The following TTC28 variants were observed in gnomAD, a reference collection of about 807,000 sequenced individuals.
The protein encoded by TTC28 is tetratricopeptide repeat domain 28, also known as tetratricopeptide repeat protein 28.
A neutral mutation model predicts 198.0 loss-of-function variants in TTC28; 61 were observed. That is an observed-to-expected ratio of 0.31 (90% CI 0.25 to 0.38). TTC28 has a LOEUF of 0.38. Ranked by LOEUF, TTC28 falls within the 10% of genes least tolerant of loss-of-function variation. TTC28 has a pLI of 1.00. For missense variants in TTC28, 2,678 were observed against 3,164.0 expected (o/e 0.85, Z 3.69); for synonymous variants, 1,171 against 1,297.8 (o/e 0.90, Z 2.10).
intron 2 of TTC28, among the ~76,000 whole-genome samples, chr22:28,599,707 AG>A (rs2050606589): frequency 6.6e-6 from 1 of 152,190 alleles, no homozygotes; most frequent in Non-Finnish European, 1.5e-5. Flanking sequence ...GTCAATTAGA[AG>A]AAGGCTCTAG....
intron 2 of TTC28, among the ~76,000 whole-genome samples, chr22:28,385,767 T>A (rs2046572391): frequency 6.6e-6 from 1 of 152,126 alleles, no homozygotes; most frequent in South Asian, 2.1e-4. Context: ...TTTAGCTCCA[T>A]CCTAGCTTTC....
intron 2 of TTC28, among the ~76,000 whole-genome samples, chr22:28,564,185 A>C (rs1014008458): frequency 6.6e-6 from 1 of 152,218 alleles, no homozygotes; most frequent in African/African-American, 2.4e-5. Context: ...TGGGGCGATG[A>C]AAATGTTTTG....
rs1569064061 is a variant in TTC28 at position 27,982,454 on chromosome 22, C to T, written c.7213G>A (p.Glu2405Lys). ...LNLSPRHNKK[E>K]EGVDKLELKE... The stretch of plus-strand genomic sequence containing the variant: ...AGTTCAAGCTTATCCACTCCCTCCT[C>T]CTTCTTATTGTGCCGTGGTGACAAA... Residue 2405 changes from glutamate (E) to lysine (K), a missense_variant, in exon 23 of 23, where the codon GAG becomes AAG. Physicochemically the swap from Glu to Lys is moderately conservative, Grantham distance 56. Around this residue, in one of 8 missense-constraint regions of TTC28, gnomAD observed 622 missense variants for 656.0 expected, o/e 0.95. Coordinates refer to ENST00000397906, the MANE Select transcript of TTC28 (RefSeq NM_001145418.2). This position sits in a 1 kb window ranked among gnomAD's most constrained non-coding sequence, Gnocchi z 5.2. 2.6e-6 allele frequency: 4 copies of T among 1,551,560 alleles called. No individual in the cohort carries two copies. In the South Asian group the frequency reaches 4.8e-5, roughly 18 times the overall value.
At chr22:28,631,534 G>GT (rs1285501359) in intron 1 of TTC28, among the ~76,000 whole-genome samples, 1 of 151,954 alleles carries the variant, frequency 6.6e-6, no homozygotes, top group Non-Finnish European at 1.5e-5. Flanking sequence ...GTTTTTGTGG[G>GT]TTTTTTTGAG....
At chr22:28,191,494 C>T (rs1023186230) in intron 5 of TTC28, among the ~76,000 whole-genome samples, 13 of 152,342 alleles carry the variant, frequency 8.5e-5, no homozygotes, top group Admixed American at 7.2e-4. Flanking sequence ...GGCGAGGCAT[C>T]GCCTCACCCG....
chr22:28,114,668 C>T (rs1260213432), intron 6 of TTC28, among the ~76,000 whole-genome samples: 2 of 151,250 alleles, frequency 1.3e-5, no homozygotes, highest in Non-Finnish European at 2.9e-5. Flanking sequence ...CAGCCTCAAT[C>T]GCCCAGGCTC....
chr22:28,547,986 C>T (rs1776420137), intron 2 of TTC28, among the ~76,000 whole-genome samples: 1 of 151,502 alleles, frequency 6.6e-6, no homozygotes, highest in African/African-American at 2.4e-5. Context: ...TATTTCTAAC[C>T]ACCCAATACT....
chr22:28,387,338 T>C (rs1044753816), intron 2 of TTC28, among the ~76,000 whole-genome samples: 52 of 152,228 alleles, frequency 3.4e-4, no homozygotes, highest in Non-Finnish European at 6.0e-4. Context: ...GCATGATTTA[T>C]AGTCCTTTGG....
intron 2 of TTC28, among the ~76,000 whole-genome samples, chr22:28,404,075 A>C (rs547419008): frequency 6.6e-6 from 1 of 152,310 alleles, no homozygotes; most frequent in Admixed American, 6.5e-5. Context: ...AAGACATCCT[A>C]AATATTAATT....
At chr22:28,134,572 T>C (rs1472782215) in intron 6 of TTC28, among the ~76,000 whole-genome samples, 1 of 152,186 alleles carries the variant, frequency 6.6e-6, no homozygotes, top group Non-Finnish European at 1.5e-5. Flanking sequence ...AGTAGCCGAT[T>C]CGATCAAGTG....
chr22:28,612,119 G>T (rs1002137004), intron 2 of TTC28, among the ~76,000 whole-genome samples: 1 of 152,024 alleles, frequency 6.6e-6, no homozygotes, highest in Non-Finnish European at 1.5e-5. Flanking sequence ...TCAAAATAAA[G>T]GAATGGAGGA....
At chr22:27,994,565 G>A (rs1937517376) in intron 17 of TTC28, 1 of 151,916 alleles carries the variant, frequency 6.6e-6, no homozygotes, top group South Asian at 2.1e-4. Flanking sequence ...TGGGAGGACA[G>A]ACGATCAGCC....
At position 27,982,765 on chromosome 22, in the gene TTC28, T is replaced by G; in HGVS notation, c.6902A>C (p.Lys2301Thr). 2.6e-6 allele frequency: 4 copies of G among 1,549,940 alleles called. No individual in the cohort carries two copies. Among genetic ancestry groups the G allele is most frequent in the Non-Finnish European group, 3.5e-6 (4 of 1,145,910 alleles). The change falls in exon 23 of 23, where the codon AAA becomes ACA. Residue 2301 changes from lysine to threonine, a missense_variant. Physicochemically the swap from Lys to Thr is moderately conservative, Grantham distance 78 (BLOSUM62 -1). Coordinates refer to ENST00000397906, the MANE Select transcript of TTC28 (RefSeq NM_001145418.2). This position sits in a 1 kb window ranked among gnomAD's most constrained non-coding sequence, Gnocchi z 5.2. ...GCTTGGGGACATGTTCCTTGGTGAT[T>G]TGGAAATGTGAGCGCTGTAAGGAGA... is the stretch of plus-strand genomic sequence containing the variant. The part of the protein sequence containing the change: ...PSSPYSAHIS[K>T]SPRNMSPSSG...
rs754700795 is a variant in TTC28, at chr22:28,243,174, C to CAA, written c.933+53022_933+53023dup. Among the ~76,000 whole-genome samples, 35 of 68,334 alleles carry CAA rather than the reference C, an allele frequency of 5.1e-4. 1 individual carries two copies. Among genetic ancestry groups the CAA allele is most frequent in the Middle Eastern group, 8.2e-3 (1 of 122 alleles). The allele number at this position is 68,334 out of a possible 152,430, so 44.8% of individuals were successfully genotyped here. Reference sequence around the variant, plus strand: ...GCAACCTGGCAAAACCCCCTCTCTACAAAAAAAAAAAAAAAAAAAAAAAAA... The same window carrying CAA: ...GCAACCTGGCAAAACCCCCTCTCTACAAAAAAAAAAAAAAAAAAAAAAAAAAA... On this transcript the variant is annotated intron_variant, in intron 5 of 22. Coordinates refer to ENST00000397906, the MANE Select transcript of TTC28 (RefSeq NM_001145418.2).
chr22:28,297,971 G>A (rs2044934020), intron 3 of TTC28, 119 bp from the exon 4 acceptor site: 2 of 1,173,934 alleles, frequency 1.7e-6, no homozygotes, highest in Non-Finnish European at 2.4e-6. Context: ...CTTATTTCAA[G>A]TATAAACTCT....
rs1308634690 is a variant in TTC28, at chr22:27,979,132, A to G, written c.*3089T>C. ...GACTTGCTTTTCCTAGACTGGAGAAACAAAACGTTATTCCATTTTCTGTCA... is the reference window on the plus strand; with the variant it reads ...GACTTGCTTTTCCTAGACTGGAGAAGCAAAACGTTATTCCATTTTCTGTCA... On this transcript the variant is annotated 3_prime_UTR_variant, in exon 23 of 23. Transcript: ENST00000397906. The G allele has an allele frequency of 1.3e-5, 2 of 152,210 alleles. No individual in the cohort carries two copies. The highest frequency in any genetic ancestry group is 2.9e-5 in the Non-Finnish European group (2 of 68,052). 9.4% of individuals were successfully genotyped at this position (152,210 alleles called of 1,614,324 possible). A position where few individuals can be genotyped will look rare whatever the true frequency, so the allele number is the denominator to read the frequency against.
chr22:28,211,161 C>G (rs888750147), intron 5 of TTC28, among the ~76,000 whole-genome samples: 3 of 152,088 alleles, frequency 2.0e-5, no homozygotes, highest in Admixed American at 1.3e-4. Flanking sequence ...ACAACCGGTA[C>G]CAACCACTGC....
intron 2 of TTC28, among the ~76,000 whole-genome samples, chr22:28,539,481 C>T (rs564042334): frequency 4.0e-5 from 6 of 151,740 alleles, no homozygotes; most frequent in Admixed American, 6.6e-5. Flanking sequence ...TAAAAATATA[C>T]AAAACTTAGC....
At chr22:28,229,359 C>T (rs1360622601) in intron 5 of TTC28, among the ~76,000 whole-genome samples, 2 of 152,012 alleles carry the variant, frequency 1.3e-5, no homozygotes, top group Non-Finnish European at 2.9e-5. Context: ...AAAGGGGGAC[C>T]AAGTGAATCA....
Sources: gnomAD v4.1 joint callset for allele counts (sites outside exome capture counted in the v4.1 genomes callset) on GRCh38, gnomAD v4.1.1 for gene constraint, gnomAD v4.1.1 regional missense constraint, Gnocchi (gnomAD v3.1) non-coding constraint, MANE v1.5 for transcripts, NCBI Gene and HGNC (gene_info 2026-07-23, HGNC 2026-07-21) for gene names.